GATAD2A: variants seen among roughly 807,000 people sequenced by gnomAD.
GATAD2A encodes the protein transcriptional repressor p66-alpha.
In GATAD2A, 12 loss-of-function variants were observed where a neutral mutation model predicts 68.5. The ratio of observed to expected loss-of-function variants is 0.18; its 90% CI spans 0.11 to 0.28. The LOEUF (loss-of-function observed/expected upper bound fraction) is 0.28, where lower values mean the gene tolerates loss of function less well. GATAD2A is among the 10% of genes least tolerant of loss of function. The probability of loss-of-function intolerance (pLI) is 1.00; values close to 1 mark genes in which losing one functional copy is unlikely to be tolerated. For synonymous variants in GATAD2A, 410 were observed against 375.3 expected (o/e 1.09, Z -1.07); for missense variants, 755 against 868.5 (o/e 0.87, Z 1.64).
At chr19:19,472,838 T>C (rs2058412897) in intron 2 of GATAD2A, 1 of 152,246 alleles carries the variant, frequency 6.6e-6, no homozygotes, top group Non-Finnish European at 1.5e-5. Flanking sequence ...TGTCAACTCT[T>C]ATTGGATTGT....
intron 1 of GATAD2A, among the ~76,000 whole-genome samples, chr19:19,461,068 A>G (rs2057388567): frequency 6.6e-6 from 1 of 151,898 alleles, no homozygotes; most frequent in Non-Finnish European, 1.5e-5. Flanking sequence ...TGTCTTGTTC[A>G]CCACTGAGTC....
At chr19:19,504,463 TTG>T (rs1166014325) in intron 11 of GATAD2A, among the ~76,000 whole-genome samples, 1 of 151,970 alleles carries the variant, frequency 6.6e-6, no homozygotes, top group Non-Finnish European at 1.5e-5. Flanking sequence ...GTTGGCTACT[TTG>T]TGTGTTAATG....
chr19:19,476,115 T>C (rs910093295), intron 2 of GATAD2A, among the ~76,000 whole-genome samples: 3 of 152,192 alleles, frequency 2.0e-5, no homozygotes, highest in African/African-American at 4.8e-5. Context: ...GCTTCTCTCT[T>C]GGACAGTGCA....
chr19:19,456,073 GAA>G (rs1249532370), intron 1 of GATAD2A, among the ~76,000 whole-genome samples: 9 of 149,926 alleles, frequency 6.0e-5, no homozygotes, highest in Non-Finnish European at 1.2e-4. Flanking sequence ...AGAATGGAGT[GAA>G]CACGGGAGGC....
At chr19:19,419,510 CTTT>C (rs57019208) in intron 1 of GATAD2A, among the ~76,000 whole-genome samples, 29 of 110,648 alleles carry the variant, frequency 2.6e-4, no homozygotes, top group East Asian at 8.3e-4. Context: ...ATCTCTACAT[CTTT>C]TTTTTTTTTT....
At chr19:19,500,644 C>T (rs2060465668) in intron 8 of GATAD2A, among the ~76,000 whole-genome samples, 1 of 152,222 alleles carries the variant, frequency 6.6e-6, no homozygotes, top group Non-Finnish European at 1.5e-5. Context: ...AGGCCTGGGG[C>T]CTATCCCGGG....
intron 1 of GATAD2A, among the ~76,000 whole-genome samples, chr19:19,448,149 A>T (rs1199160451): frequency 6.6e-6 from 1 of 152,200 alleles, no homozygotes; most frequent in Non-Finnish European, 1.5e-5. Context: ...GGCCCTTCCC[A>T]CAGAAGGGGA....
intron 2 of GATAD2A, among the ~76,000 whole-genome samples, chr19:19,471,823 G>A (rs1426019269): frequency 1.3e-5 from 2 of 151,916 alleles, no homozygotes; most frequent in Non-Finnish European, 2.9e-5. Context: ...TCCAAAGGTC[G>A]TGGGCATGTG....
At chr19:19,413,112 T>C (rs765666417) in intron 1 of GATAD2A, among the ~76,000 whole-genome samples, 9 of 152,204 alleles carry the variant, frequency 5.9e-5, no homozygotes, top group Non-Finnish European at 2.9e-5. Flanking sequence ...CATCATAAGT[T>C]GAGGAGCATC....
intron 1 of GATAD2A, among the ~76,000 whole-genome samples, chr19:19,439,635 G>T (rs1034262967): frequency 6.6e-6 from 1 of 152,148 alleles, no homozygotes; most frequent in African/African-American, 2.4e-5. Flanking sequence ...GTCATTTGAG[G>T]TTAGGAGTTC....
intron 2 of GATAD2A, among the ~76,000 whole-genome samples, chr19:19,468,185 A>G (rs987725130): frequency 6.6e-5 from 10 of 152,234 alleles, no homozygotes; most frequent in African/African-American, 1.2e-4. Flanking sequence ...AGCTATTCCT[A>G]TGCCCTCTCC....
chr19:19,476,137 G>A (rs922124301), intron 2 of GATAD2A, among the ~76,000 whole-genome samples: 5 of 152,162 alleles, frequency 3.3e-5, no homozygotes, highest in African/African-American at 1.2e-4. Flanking sequence ...GCTCTCTGGG[G>A]ATGTTATTAT....
At chr19:19,468,760 C>G (rs1395960538) in intron 2 of GATAD2A, among the ~76,000 whole-genome samples, 1 of 152,196 alleles carries the variant, frequency 6.6e-6, no homozygotes, top group Non-Finnish European at 1.5e-5. Context: ...GTAAACAAGA[C>G]TGAAGGAATC....
chr19:19,465,542 C>T lies in GATAD2A; in HGVS notation c.197C>T (p.Ala66Val). The change falls in exon 2 of 12, where the codon GCC becomes GTC. Residue 66 changes from alanine (A) to valine (V), a missense_variant. Transcript: ENST00000683918. ...CAAGGATTGCTGAGGGCAACAGAGG[C>T]CACGGCCATGGCCATGGGCAGAGGC... ...PTQGLLRATE[A>V]TAMAMGRGEG... 6.2e-7 allele frequency: 1 copy of T among 1,613,006 alleles called. No individual in the cohort carries two copies. Among genetic ancestry groups the T allele is most frequent in the Non-Finnish European group, 8.5e-7 (1 of 1,179,002 alleles).
intron 2 of GATAD2A, among the ~76,000 whole-genome samples, chr19:19,466,571 T>G (rs1463113716): frequency 1.3e-5 from 2 of 152,232 alleles, no homozygotes; most frequent in Non-Finnish European, 2.9e-5. Context: ...TGCAGTCTTA[T>G]GTCAAATTCG....
chr19:19,461,615 T>A (rs2057433103), intron 1 of GATAD2A, among the ~76,000 whole-genome samples: 1 of 152,140 alleles, frequency 6.6e-6, no homozygotes, highest in Admixed American at 6.5e-5. Context: ...CTGTGTGGGG[T>A]CTCTAGTGTG....
At chr19:19,486,812 C>T (rs1304697615) in intron 2 of GATAD2A, among the ~76,000 whole-genome samples, 1 of 152,230 alleles carries the variant, frequency 6.6e-6, no homozygotes, top group Admixed American at 6.5e-5. Context: ...AGTCTCACCT[C>T]ACCAGGCAGC....
At chr19:19,415,618 ATTTT>A (rs71170682) in intron 1 of GATAD2A, among the ~76,000 whole-genome samples, 5 of 118,050 alleles carry the variant, frequency 4.2e-5, no homozygotes. Context: ...CCGGGCTAAT[ATTTT>A]TTTTTTTTTT....
chr19:19,397,885 C>G (rs2049381244), intron 1 of GATAD2A, among the ~76,000 whole-genome samples: 1 of 151,966 alleles, frequency 6.6e-6, no homozygotes, highest in African/African-American at 2.4e-5. Flanking sequence ...TCATGCCAGG[C>G]TAATTTTATT....
Sources: allele counts gnomAD v4.1 joint callset (sites outside exome capture counted in the v4.1 genomes callset), GRCh38; gene constraint gnomAD v4.1.1; transcripts MANE v1.5; gene names NCBI Gene and HGNC (gene_info 2026-07-23, HGNC 2026-07-21).